FUT8: variants seen among roughly 807,000 people sequenced by gnomAD.
FUT8 encodes the protein alpha-(1,6)-fucosyltransferase.
A neutral mutation model predicts 71.3 loss-of-function variants in FUT8; 29 were observed. The ratio of observed to expected loss-of-function variants is 0.41; its 90% confidence interval spans 0.30 to 0.55. The LOEUF is 0.55. FUT8 is among the 20% of genes least tolerant of loss of function. The pLI is 0.34. For missense variants in FUT8, 544 were observed against 702.1 expected (o/e 0.77, Z 2.55); for synonymous variants, 254 against 239.3 (o/e 1.06, Z -0.57).
chr14:65,622,280 A>G (rs191044878), intron 5 of FUT8, among the ~76,000 whole-genome samples: 337 of 148,294 alleles, frequency 2.3e-3, no homozygotes, highest in Non-Finnish European at 3.7e-3. Context: ...GTACGGGGAT[A>G]TAATTCCTAT....
the FUT8 span, among the ~76,000 whole-genome samples, chr14:65,361,829 A>AATAT: frequency 6.6e-6 from 1 of 151,964 alleles, no homozygotes; most frequent in African/African-American, 2.4e-5. Context: ...TAAATAAATA[A>AATAT]ATAAATAAAT....
At chr14:65,423,008 C>T (rs376651960) in intron 1 of FUT8, among the ~76,000 whole-genome samples, 1 of 136,130 alleles carries the variant, frequency 7.3e-6, no homozygotes, top group African/African-American at 2.8e-5. Context: ...TTTTTCGAGA[C>T]TGAGTCTCGC....
chr14:65,371,217 G>A, the FUT8 span, among the ~76,000 whole-genome samples: 1 of 152,180 alleles, frequency 6.6e-6, no homozygotes, highest in Non-Finnish European at 1.5e-5. Context: ...CCTGCAAAAC[G>A]ATCACACTTT....
chr14:65,622,201 C>T (rs1033095514), intron 5 of FUT8, among the ~76,000 whole-genome samples: 13 of 152,190 alleles, frequency 8.5e-5, no homozygotes, highest in African/African-American at 2.4e-4. Flanking sequence ...GTTAACAGAA[C>T]GGTTTTACTC....
chr14:65,474,940 C>T (rs1418528721), intron 2 of FUT8, among the ~76,000 whole-genome samples: 5 of 152,216 alleles, frequency 3.3e-5, no homozygotes, highest in African/African-American at 1.2e-4. Flanking sequence ...CCTCCTGCCT[C>T]GGCCTTCCAA....
intron 2 of FUT8, among the ~76,000 whole-genome samples, chr14:65,501,037 G>C (rs11624149): frequency 0.011 from 1,613 of 152,216 alleles, 18 homozygotes; most frequent in Non-Finnish European, 0.017. Flanking sequence ...TACCATGTTT[G>C]GGAAGACCGT....
chr14:65,382,180 GT>G, the FUT8 span, among the ~76,000 whole-genome samples: 212 of 152,232 alleles, frequency 1.4e-3, no homozygotes, highest in African/African-American at 4.9e-3. Flanking sequence ...TCACCTCTCT[GT>G]CAGTACCTTA....
At chr14:65,712,379 G>A (rs1424891633) in intron 7 of FUT8, among the ~76,000 whole-genome samples, 1 of 152,146 alleles carries the variant, frequency 6.6e-6, no homozygotes, top group African/African-American at 2.4e-5. Context: ...TAGAGTTCAA[G>A]GTAAAAAGCA....
rs1566851461 is a variant in FUT8, at chr14:65,611,278, CACACACACACACACACACACACA to C, written c.204-4699_204-4677del. The stretch of plus-strand genomic sequence containing the variant: ...ACACACACACACACACACACACACA[CACACACACACACACACACACACA>C]CCCCCCAAGTAATAGCCTTGATTTT... On this transcript the variant is annotated intron_variant, in intron 3 of 10. Transcript: ENST00000673929. Among the ~76,000 whole-genome samples, 18 of 45,708 alleles carry C rather than the reference CACACACACACACACACACACACA, an allele frequency of 3.9e-4. 1 individual carries two copies. The highest frequency in any genetic ancestry group is 9.5e-4 in the African/African-American group (10 of 10,542). The allele number at this position is 45,708 out of a possible 152,430, so 30.0% of individuals were successfully genotyped here. A position where few individuals can be genotyped will look rare whatever the true frequency, so the allele number is the denominator to read the frequency against.
chr14:65,713,095 C>CT (rs1015702092), intron 7 of FUT8, among the ~76,000 whole-genome samples: 2 of 152,202 alleles, frequency 1.3e-5, no homozygotes, highest in African/African-American at 4.8e-5. Context: ...ATTCTACACT[C>CT]TATCTCCAAG....
At chr14:65,678,869 A>G (rs915039040) in intron 7 of FUT8, among the ~76,000 whole-genome samples, 14 of 152,220 alleles carry the variant, frequency 9.2e-5, no homozygotes, top group Admixed American at 5.2e-4. Context: ...TCCCTTTGGT[A>G]TCTCTCTATT....
At chr14:65,453,538 G>A (rs1594646060) in intron 1 of FUT8, among the ~76,000 whole-genome samples, 1 of 152,076 alleles carries the variant, frequency 6.6e-6, no homozygotes, top group African/African-American at 2.4e-5. Context: ...TTCATGGCTT[G>A]TTTTTAAGCT....
At chr14:65,712,889 A>G (rs143175760) in intron 7 of FUT8, among the ~76,000 whole-genome samples, 1 of 152,342 alleles carries the variant, frequency 6.6e-6, no homozygotes, top group African/African-American at 2.4e-5. Flanking sequence ...CACCTCAAGC[A>G]TTTATCCTTT....
chr14:65,557,643 TAAA>T (rs67803992), intron 2 of FUT8, among the ~76,000 whole-genome samples: 1 of 145,972 alleles, frequency 6.9e-6, no homozygotes. Flanking sequence ...TTTTGTCTCT[TAAA>T]AAAAAAAAAA....
intron 2 of FUT8, among the ~76,000 whole-genome samples, chr14:65,521,909 A>G (rs1883104762): frequency 6.6e-6 from 1 of 151,968 alleles, no homozygotes; most frequent in African/African-American, 2.4e-5. Context: ...AATTATTTCA[A>G]GCTACAGAGG....
chr14:65,526,902 C>G (rs1566803151), intron 2 of FUT8, among the ~76,000 whole-genome samples: 1 of 152,220 alleles, frequency 6.6e-6, no homozygotes, highest in Non-Finnish European at 1.5e-5. Context: ...CCACTCTCTT[C>G]TGGCTTGTAG....
At chr14:65,568,001 G>A (rs780998915) in intron 3 of FUT8, among the ~76,000 whole-genome samples, 18 of 151,790 alleles carry the variant, frequency 1.2e-4, no homozygotes, top group Non-Finnish European at 8.8e-5. Flanking sequence ...TTCTACCAGT[G>A]AAGTTATCTG....
At chr14:65,740,383 C>G (rs531474442) in intron 10 of FUT8, among the ~76,000 whole-genome samples, 1 of 152,084 alleles carries the variant, frequency 6.6e-6, no homozygotes, top group African/African-American at 2.4e-5. Context: ...AATTGCCCCT[C>G]AAGTTTTCTG....
intron 2 of FUT8, among the ~76,000 whole-genome samples, chr14:65,485,380 T>C (rs1303992371): frequency 6.6e-6 from 1 of 152,172 alleles, no homozygotes; most frequent in East Asian, 1.9e-4. Flanking sequence ...GATATGTAGT[T>C]ATTTAGAGAT....
Sources: gnomAD v4.1 joint callset for allele counts (sites outside exome capture counted in the v4.1 genomes callset) on GRCh38, gnomAD v4.1.1 for gene constraint, MANE v1.5 for transcripts, NCBI Gene and HGNC (gene_info 2026-07-23, HGNC 2026-07-21) for gene names.